The following KIF1A variants were observed in gnomAD, a reference collection of about 807,000 sequenced individuals.
KIF1A encodes the protein kinesin family member 1A.
A neutral mutation model predicts 227.3 loss-of-function variants in KIF1A; 46 were observed. The ratio of observed to expected loss-of-function variants is 0.20; its 90% CI spans 0.16 to 0.26. The LOEUF is 0.26. Among genes scored for constraint, KIF1A ranks in the 10% least tolerant of loss-of-function variants. The pLI is 1.00. For synonymous variants in KIF1A, 1,022 were observed against 1,012.8 expected (o/e 1.01, Z -0.17); for missense variants, 1,683 against 2,485.9 (o/e 0.68, Z 6.87).
intron 12 of KIF1A, 146 bp from the exon 13 acceptor site, chr2:240,773,402 C>A: frequency 1.0e-6 from 1 of 984,006 alleles, no homozygotes; most frequent in Non-Finnish European, 1.5e-6. Context: ...CAGCCTGGCA[C>A]AGAGTGAGAA....
Position 240,785,032 on chromosome 2 carries a change from G to T in KIF1A, c.677C>A (p.Thr226Asn), listed in dbSNP as rs2054547596. 6.2e-7 allele frequency: 1 copy of T among 1,613,532 alleles called. No individual in the cohort carries two copies. Among genetic ancestry groups the T allele is most frequent in the South Asian group, 1.1e-5 (1 of 91,092 alleles). ...GGTCTCTGCGTCATGGCGCTTCTGG[G>T]TGAAGATGATGTTGAAGACGGCGTG... ...RSHAVFNIIF[T>N]QKRHDAETNI... Residue 226 changes from threonine to asparagine, a missense_variant, in exon 7 of 49, where the codon ACC (threonine) becomes AAC (asparagine). By Grantham distance (65) the Thr-to-Asn change is moderately conservative (BLOSUM62 0). Transcript: ENST00000498729.
At chr2:240,786,737 CTGCTGGGCCCCTG>C (rs2054882895) in intron 5 of KIF1A, among the ~76,000 whole-genome samples, 1 of 138,376 alleles carries the variant, frequency 7.2e-6, no homozygotes, top group Non-Finnish European at 1.5e-5. Context: ...TGGGGGCTGC[CTGCTGGGCCCCTG>C]AGTGAGAGGG....
At position 240,789,862 on chromosome 2, in the gene KIF1A, C is replaced by T. The variant is rs565723566; in HGVS notation, c.107-550G>A. Among the ~76,000 whole-genome samples, 33 of 152,300 alleles carry T rather than the reference C, an allele frequency of 2.2e-4. No homozygotes were observed. Among genetic ancestry groups the T allele is most frequent in the African/African-American group, 7.5e-4 (31 of 41,570 alleles). ...GAGTCCCTCCTCCCCCTCCCTCCTC[C>T]ACCCAACTTCAAGCCCAGTCCCAGG... On this transcript the variant is annotated intron_variant, in intron 2 of 48. Coordinates refer to ENST00000498729, the MANE Select transcript of KIF1A (RefSeq NM_001244008.2). This position sits in a 1 kb window ranked among gnomAD's most constrained non-coding sequence, Gnocchi z 4.8.
In KIF1A at chr2:240,752,287, C is replaced by A. The variant is rs34066627; in HGVS notation, c.2859-1740G>T. 0.15 allele frequency among the ~76,000 whole-genome samples: 23,169 copies of A among 152,062 alleles called. 2,125 individuals carry two copies. The highest frequency in any genetic ancestry group is 0.24 in the Middle Eastern group (70 of 294). On this transcript the variant is annotated intron_variant, in intron 27 of 48. Transcript: ENST00000498729. This position sits in a 1 kb window ranked among gnomAD's most constrained non-coding sequence, Gnocchi z 6.4. ...CTGGAGCTCCACTGCCCTGGGCCAC[C>A]CACCCAGGTTATGTCCAGAAGCGCC...
In KIF1A at chr2:240,725,716, TG is replaced by T; in HGVS notation, c.4123-313del. 3.2e-6 allele frequency: 1 copy of T among 312,958 alleles called. No homozygotes were observed. Among genetic ancestry groups the T allele is most frequent in the South Asian group, 6.1e-5 (1 of 16,410 alleles). The allele number at this position is 312,958 out of a possible 1,614,324, so 19.4% of individuals were successfully genotyped here. On this transcript the variant is annotated intron_variant, in intron 39 of 48. Coordinates refer to ENST00000498729, the MANE Select transcript of KIF1A (RefSeq NM_001244008.2). The surrounding 1 kb of genome is among the most constrained non-coding windows in gnomAD (Gnocchi z 5.8). ...GGCCTCAGCTGCCTCACCATAAAAT[TG>T]GGGTGACCCCTCCCCGACCCTGGAA...
At position 240,781,644 on chromosome 2, in the gene KIF1A, T is replaced by A. The variant is rs1559524698; in HGVS notation, c.882+946A>T. 5.1e-6 allele frequency: 3 copies of A among 586,170 alleles called. No homozygotes were observed. In the African/African-American group the frequency reaches 6.1e-5, roughly 12 times the overall value. 36.3% of individuals were successfully genotyped at this position (586,170 alleles called of 1,614,324 possible). Reference sequence around the variant, plus strand: ...GTTATCACCGCTCCTCACAGTTCACTCCGCTCCACACACAATTCCCCACGC... The same window carrying A: ...GTTATCACCGCTCCTCACAGTTCACACCGCTCCACACACAATTCCCCACGC... On this transcript the variant is annotated intron_variant, in intron 10 of 48. Coordinates refer to ENST00000498729, the MANE Select transcript of KIF1A (RefSeq NM_001244008.2).
rs1363422564 is a variant in KIF1A at position 240,765,714 on chromosome 2, A to G, written c.1764T>C (p.Arg588=). The G allele has an allele frequency of 4.3e-6, 7 of 1,613,034 alleles. No homozygotes were observed. The East Asian group carries it at 1.6e-4, about 36-fold the overall frequency. ...CCCCGGAGTCCCCAGCCATACCTGA[A>G]CGCAGGATGCTGGGCTCTGTGACTT... ...GKKVTEPSIL[R]SGNRIIMGKS... Residue 588 remains arginine, a synonymous_variant, in exon 20 of 49, where the codon CGT becomes CGC. Transcript: ENST00000498729.
At chr2:240,718,361 G>T (rs921191039) in intron 47 of KIF1A, among the ~76,000 whole-genome samples, 193 bp from the exon 48 acceptor site, 2 of 152,214 alleles carry the variant, frequency 1.3e-5, no homozygotes, top group Non-Finnish European at 2.9e-5. Flanking sequence ...ATCTGCGGCC[G>T]GTGGTCCCAG....
Position 240,757,461 on chromosome 2 carries a change from C to G in KIF1A, c.2716G>C (p.Val906Leu). The G allele has an allele frequency of 6.5e-7, 1 of 1,550,148 alleles. No homozygotes were observed. Among genetic ancestry groups the G allele is most frequent in the East Asian group, 2.4e-5 (1 of 40,876 alleles). The change falls in exon 27 of 49, where the codon GTG (valine) becomes CTG (leucine). Residue 906 changes from valine to leucine, a missense_variant. Around this residue, in one of 12 missense-constraint regions of KIF1A, gnomAD observed 759 missense variants for 1,020.2 expected, o/e 0.74. Coordinates refer to ENST00000498729, the MANE Select transcript of KIF1A (RefSeq NM_001244008.2). The surrounding 1 kb of genome is among the most constrained non-coding windows in gnomAD (Gnocchi z 6.2). ...TCCTCCTCCTCCTCCTCCTCCCCCA[C>G]GCTCTGCTCCTCGGCAGGCTCGGTG... ...DATEPAEEQS[V>L]GEEEEEEEEE...
At chr2:240,782,958 G>T in intron 9 of KIF1A, 86 bp downstream of exon 9, 2 of 1,104,180 alleles carry the variant, frequency 1.8e-6, no homozygotes, top group Non-Finnish European at 2.8e-6. Flanking sequence ...CAGACACAGG[G>T]CCCGGAAACG....
chr2:240,774,150 G>A (rs200203022), intron 12 of KIF1A, 33 bp downstream of exon 12: 45 of 1,403,014 alleles, frequency 3.2e-5, no homozygotes, highest in South Asian at 2.1e-4. Context: ...ACCAGGGAGC[G>A]GGAAGCAGAG....
At chr2:240,743,080 G>A (rs569565475) in intron 33 of KIF1A, 96 bp from the exon 34 acceptor site, 75 of 941,164 alleles carry the variant, frequency 8.0e-5, no homozygotes, top group South Asian at 6.3e-4. Context: ...TGCCCATCCC[G>A]GCCCCTCCCA....
intron 38 of KIF1A, among the ~76,000 whole-genome samples, chr2:240,733,573 T>C (rs541992462): frequency 6.6e-6 from 1 of 152,330 alleles, no homozygotes; most frequent in Non-Finnish European, 1.5e-5. Context: ...ATGGGGACTC[T>C]GGCCCGGCCA....
rs2055782074 is a variant in KIF1A, at chr2:240,792,044, G to T, written c.107-2732C>A. Among the ~76,000 whole-genome samples, 1 of 151,178 alleles carries T rather than the reference G, an allele frequency of 6.6e-6. No homozygotes were observed. The highest frequency in any genetic ancestry group is 2.1e-4 in the South Asian group (1 of 4,792). ...CCCTGCCACCCCTCCCACACCCTGT[G>T]CTGTGGCTGGGAACCATCCTCTGTC... is the stretch of plus-strand genomic sequence containing the variant. On this transcript the variant is annotated intron_variant, in intron 2 of 48. Coordinates refer to ENST00000498729, the MANE Select transcript of KIF1A (RefSeq NM_001244008.2). The surrounding 1 kb of genome is among the most constrained non-coding windows in gnomAD (Gnocchi z 4.5).
Position 240,757,372 on chromosome 2 carries a change from G to T in KIF1A, c.2805C>A (p.Cys935Ter), listed in dbSNP as rs767242937. Reference sequence around the variant, plus strand: ...GGTCGTAAAACGGGTCCCGGCCGTCGCACAGCGCGTGCTCCGGAAAGACGT... The same window carrying T: ...GGTCGTAAAACGGGTCCCGGCCGTCTCACAGCGCGTGCTCCGGAAAGACGT... ...EDDVFPEHAL[C>*]DGRDPFYDRP... Residue 935 changes from cysteine to a stop codon, truncating the protein, a stop_gained, in exon 27 of 49, where the codon TGC (cysteine) becomes TGA (stop). Coordinates refer to ENST00000498729, the MANE Select transcript of KIF1A (RefSeq NM_001244008.2). LOFTEE classifies it high-confidence loss of function. The surrounding 1 kb of genome is among the most constrained non-coding windows in gnomAD (Gnocchi z 6.2). 1 of 1,550,542 alleles carries T rather than the reference G, an allele frequency of 6.4e-7. No homozygotes were observed. The highest frequency in any genetic ancestry group is 8.7e-7 in the Non-Finnish European group (1 of 1,147,050).
At chr2:240,745,609 C>T (rs902320035) in intron 31 of KIF1A, 92 bp from the exon 32 acceptor site, 19 of 1,465,980 alleles carry the variant, frequency 1.3e-5, no homozygotes, top group Admixed American at 9.6e-5. Context: ...GGCGCTGGGG[C>T]GTTCAGGGCC....
At chr2:240,787,112 GC>G in intron 5 of KIF1A, 138 bp downstream of exon 5, 4 of 712,414 alleles carry the variant, frequency 5.6e-6, no homozygotes, top group Non-Finnish European at 9.9e-6. Flanking sequence ...CCGCCGTCTT[GC>G]CTGCCACTTG....
At chr2:240,800,341 G>A (rs1348132087) in intron 1 of KIF1A, among the ~76,000 whole-genome samples, 1 of 152,160 alleles carries the variant, frequency 6.6e-6, no homozygotes, top group African/African-American at 2.4e-5. Flanking sequence ...AGGCGAAGGC[G>A]GCTTGGTGGG....
At chr2:240,813,875 C>T (rs745598457) in intron 1 of KIF1A, among the ~76,000 whole-genome samples, 19 of 152,238 alleles carry the variant, frequency 1.2e-4, no homozygotes, top group Middle Eastern at 3.4e-3. Context: ...GGAACAGACG[C>T]GAAACAACCG....
Sources: allele counts gnomAD v4.1 joint callset (sites outside exome capture counted in the v4.1 genomes callset), GRCh38; gene constraint gnomAD v4.1.1; regional missense constraint gnomAD v4.1.1; non-coding constraint Gnocchi (gnomAD v3.1); transcripts MANE v1.5; gene names NCBI Gene and HGNC (gene_info 2026-07-23, HGNC 2026-07-21).